Variants in CNDP1 observed in about 807,000 individuals in gnomAD.
The protein encoded by CNDP1 is carnosine dipeptidase 1, also known as beta-Ala-His dipeptidase.
CNDP1 carries 44 observed loss-of-function variants against 58.1 expected under a neutral mutation model. That is an observed-to-expected ratio of 0.76 (90% confidence interval 0.60 to 0.97). The LOEUF is 0.97. Ranked by LOEUF, CNDP1 falls within the 50% of genes least tolerant of loss-of-function variation. The pLI is 0.00. For missense variants in CNDP1, 616 were observed against 655.1 expected, an observed-to-expected ratio of 0.94 and a Z score of 0.65; for synonymous variants, 254 against 252.6, an observed-to-expected ratio of 1.01 and a Z score of -0.05.
Position 74,545,172 on chromosome 18 carries a change from C to G in CNDP1, c.24+10481C>G, listed in dbSNP as rs1017922105. Among the ~76,000 whole-genome samples, 3 of 152,198 alleles carry G rather than the reference C, an allele frequency of 2.0e-5. No homozygotes were observed. The highest frequency in any genetic ancestry group is 1.3e-4 in the Admixed American group (2 of 15,284). ...GGTGTTTGGCCCCCGGTTTGGGATG[C>G]TTTGTTCCAGCAGCCTGAGGAAGCT... On this transcript the variant is annotated intron_variant, in intron 1 of 11. Coordinates refer to ENST00000358821, the MANE Select transcript of CNDP1 (RefSeq NM_032649.6). The surrounding 1 kb of genome is among the most constrained non-coding windows in gnomAD (Gnocchi z 4.1).
At chr18:74,536,268 A>T (rs894044201) in intron 1 of CNDP1, among the ~76,000 whole-genome samples, 1 of 151,960 alleles carries the variant, frequency 6.6e-6, no homozygotes, top group Non-Finnish European at 1.5e-5. Context: ...CTCATTAGTT[A>T]TTTTTGCTGA....
At chr18:74,577,956 A>G (rs1378551233) in intron 8 of CNDP1, 1 of 489,828 alleles carries the variant, frequency 2.0e-6, no homozygotes, top group Non-Finnish European at 3.6e-6. Flanking sequence ...AATGGGGAGC[A>G]TTGGTAGTGA....
chr18:74,564,422 T>C (rs1247781806), intron 5 of CNDP1, among the ~76,000 whole-genome samples: 1 of 152,224 alleles, frequency 6.6e-6, no homozygotes, highest in African/African-American at 2.4e-5. Context: ...AAAACTCAAG[T>C]TCCATTTTGC....
chr18:74,565,607 G>T (rs1480352949), intron 5 of CNDP1, among the ~76,000 whole-genome samples: 1 of 152,180 alleles, frequency 6.6e-6, no homozygotes, highest in Non-Finnish European at 1.5e-5. Context: ...TATCTCCTTT[G>T]AATCCAGGTC....
At chr18:74,539,232 C>T (rs1178324260) in intron 1 of CNDP1, among the ~76,000 whole-genome samples, 1 of 151,900 alleles carries the variant, frequency 6.6e-6, no homozygotes, top group African/African-American at 2.4e-5. Flanking sequence ...AGATCTACAC[C>T]TGTTTGTTCC....
Position 74,580,286 on chromosome 18 carries a change from T to A in CNDP1, c.1309+15T>A. 1 of 1,613,672 alleles carries A rather than the reference T, an allele frequency of 6.2e-7. No homozygotes were observed. Among genetic ancestry groups the A allele is most frequent in the Non-Finnish European group, 8.5e-7 (1 of 1,179,662 alleles). ...GATCAGAACAGGTGGGACCTTAAGA[T>A]CTTCTGACTGGCCAATCTGCACTGG... On this transcript the variant is annotated intron_variant, in intron 10 of 11. Coordinates refer to ENST00000358821, the MANE Select transcript of CNDP1 (RefSeq NM_032649.6).
intron 8 of CNDP1, 52 bp downstream of exon 8, chr18:74,577,081 C>G: frequency 6.8e-7 from 1 of 1,470,810 alleles, no homozygotes; most frequent in Non-Finnish European, 9.2e-7. Flanking sequence ...GCTAGTATAT[C>G]ATATTTGCCC....
At chr18:74,554,230 C>CTCAGAT (rs1568294058) in intron 1 of CNDP1, among the ~76,000 whole-genome samples, 1 of 152,212 alleles carries the variant, frequency 6.6e-6, no homozygotes. Context: ...TCTGTGGTCA[C>CTCAGAT]TCAGATTTTA....
intron 7 of CNDP1, among the ~76,000 whole-genome samples, chr18:74,573,078 CATCTATCCATCTATT>C (rs1277349344): frequency 1.3e-5 from 2 of 152,128 alleles, no homozygotes; most frequent in Admixed American, 6.6e-5. Context: ...TCTAGCTATC[CATCTATCCATCTATT>C]ATCTATCCAT....
chr18:74,557,812 G>C (rs919295603), intron 2 of CNDP1, among the ~76,000 whole-genome samples: 1 of 152,198 alleles, frequency 6.6e-6, no homozygotes, highest in African/African-American at 2.4e-5. Context: ...CTAAAGGCAC[G>C]AGGCTGAATG....
rs750650288 is a variant in CNDP1, at chr18:74,561,046, G to A, written c.466+28G>A. On this transcript the variant is annotated intron_variant, in intron 4 of 11. Coordinates refer to ENST00000358821, the MANE Select transcript of CNDP1 (RefSeq NM_032649.6). The stretch of plus-strand genomic sequence containing the variant: ...CAGTGAGGCGCCCGGGCTACAGTGC[G>A]GTGCTGCTGTGCTTGCAAGATTGAA... 4.1e-5 allele frequency: 66 copies of A among 1,597,028 alleles called. 1 individual carries two copies. The highest frequency in any genetic ancestry group is 5.1e-5 in the Non-Finnish European group (59 of 1,167,184).
intron 5 of CNDP1, among the ~76,000 whole-genome samples, chr18:74,564,489 A>G (rs562663503): frequency 1.3e-4 from 20 of 152,362 alleles, no homozygotes; most frequent in African/African-American, 3.4e-4. Context: ...TAGCTGAAAA[A>G]TAACAGCTAC....
chr18:74,566,175 G>C (rs1311434102), intron 5 of CNDP1, among the ~76,000 whole-genome samples: 4 of 152,188 alleles, frequency 2.6e-5, no homozygotes, highest in African/African-American at 4.8e-5. Flanking sequence ...CAGGGACCCT[G>C]GGCCTGGCCC....
At chr18:74,573,264 CATCT>C (rs1198288940) in intron 7 of CNDP1, among the ~76,000 whole-genome samples, 80 of 151,834 alleles carry the variant, frequency 5.3e-4, no homozygotes, top group African/African-American at 1.7e-3. Context: ...ATTATCTATC[CATCT>C]ATCATCTTTC....
intron 2 of CNDP1, among the ~76,000 whole-genome samples, chr18:74,556,882 A>G (rs1981056053): frequency 6.6e-6 from 1 of 152,228 alleles, no homozygotes; most frequent in Non-Finnish European, 1.5e-5. Flanking sequence ...TGTGTGCAAC[A>G]GGCACTTTAT....
chr18:74,564,007 A>G (rs1007868089), intron 5 of CNDP1, among the ~76,000 whole-genome samples: 59 of 152,250 alleles, frequency 3.9e-4, no homozygotes, highest in Non-Finnish European at 7.9e-4. Flanking sequence ...TAAGACACAC[A>G]GAAACACAAG....
intron 11 of CNDP1, 118 bp downstream of exon 11, chr18:74,583,826 G>T: frequency 9.9e-7 from 1 of 1,005,822 alleles, no homozygotes; most frequent in East Asian, 2.5e-5. Flanking sequence ...TCCAGACTGG[G>T]AGCTTAAAGA....
At chr18:74,575,609 T>G (rs1981611398) in intron 7 of CNDP1, among the ~76,000 whole-genome samples, 3 of 152,202 alleles carry the variant, frequency 2.0e-5, no homozygotes, top group Admixed American at 2.0e-4. Context: ...CCAAACTCTT[T>G]CATGAAGAGC....
In CNDP1 at chr18:74,536,899, CT is replaced by C. The variant is rs1980498656; in HGVS notation, c.24+2215del. On this transcript the variant is annotated intron_variant, in intron 1 of 11. Coordinates refer to ENST00000358821, the MANE Select transcript of CNDP1 (RefSeq NM_032649.6). ...TTCTCTAATGATCAGTGATACTGAGCTTTTTTTCATATGCTTGTTGGCCACA... is the reference window on the plus strand; with the variant it reads ...TTCTCTAATGATCAGTGATACTGAGCTTTTTTCATATGCTTGTTGGCCACA... Among the ~76,000 whole-genome samples the C allele has an allele frequency of 2.0e-5, 3 of 152,162 alleles. No individual in the cohort carries two copies. The South Asian group carries it at 6.2e-4, about 32-fold the overall frequency.
Sources: allele counts gnomAD v4.1 joint callset (sites outside exome capture counted in the v4.1 genomes callset), GRCh38; gene constraint gnomAD v4.1.1; non-coding constraint Gnocchi (gnomAD v3.1); transcripts MANE v1.5; gene names NCBI Gene and HGNC (gene_info 2026-07-23, HGNC 2026-07-21).